Variants in HNF4A observed in about 807,000 individuals in gnomAD.
The protein encoded by HNF4A is hepatocyte nuclear factor 4 alpha.
Under a neutral mutation model 52.4 loss-of-function variants are expected in HNF4A, and 15 were observed. The observed-to-expected ratio is 0.29, with a 90% CI of 0.19 to 0.44. The LOEUF (loss-of-function observed/expected upper bound fraction) is 0.44. HNF4A is among the 20% of genes least tolerant of loss of function. The pLI is 1.00. For missense variants in HNF4A, 479 were observed against 647.2 expected, an observed-to-expected ratio of 0.74 and a Z score of 2.82; for synonymous variants, 280 against 264.4, an observed-to-expected ratio of 1.06 and a Z score of -0.57.
At chr20:44,371,794 G>A (rs2146207856) in intron 1 of HNF4A, among the ~76,000 whole-genome samples, 1 of 152,246 alleles carries the variant, frequency 6.6e-6, no homozygotes, top group Non-Finnish European at 1.5e-5. Flanking sequence ...CTGCACTCCA[G>A]CCTGGGCGAC....
intron 1 of HNF4A, among the ~76,000 whole-genome samples, chr20:44,370,058 A>C (rs186228115): frequency 6.6e-6 from 1 of 150,456 alleles, no homozygotes; most frequent in African/African-American, 2.4e-5. Context: ...ACGGAGTCTC[A>C]CTCTTTCACC....
intron 1 of HNF4A, among the ~76,000 whole-genome samples, chr20:44,363,546 C>T (rs1192598191): frequency 2.0e-5 from 3 of 151,770 alleles, no homozygotes; most frequent in South Asian, 4.2e-4. Context: ...AGATGGGGGC[C>T]TGTGTGGCTC....
chr20:44,424,031 G>A lies in HNF4A; in HGVS notation c.906G>A (p.Leu302=), dbSNP rs181559088. The A allele has an allele frequency of 1.9e-5, 30 of 1,613,092 alleles. No individual in the cohort carries two copies. In the Admixed American group the frequency reaches 4.2e-4, roughly 22 times the overall value. ...CTTCCATTGTAGATGCCAAGGGGCT[G>A]AGCGATCCAGGGAAGATCAAGCGGC... The change falls in exon 8 of 10, where the codon CTG becomes CTA. Residue 302 remains leucine (L), a synonymous_variant. Transcript: ENST00000316099.
At chr20:44,359,412 C>A (rs915894110) in intron 1 of HNF4A, among the ~76,000 whole-genome samples, 1 of 152,120 alleles carries the variant, frequency 6.6e-6, no homozygotes, top group Non-Finnish European at 1.5e-5. Flanking sequence ...TATCCAAAAG[C>A]AAAACTTCCC....
chr20:44,398,691 C>G (rs985652336), upstream of HNF4A, among the ~76,000 whole-genome samples: 27 of 152,238 alleles, frequency 1.8e-4, 1 homozygote, highest in African/African-American at 6.5e-4. Context: ...TTTGGTAAGT[C>G]AGGTATGTCA....
Position 44,424,114 on chromosome 20 carries a change from C to G in HNF4A, c.989C>G (p.Ser330Trp), listed in dbSNP as rs779433584. The change falls in exon 8 of 10, where the codon TCG (serine) becomes TGG (tryptophan). Residue 330 changes from serine (S) to tryptophan (W), a missense_variant. By Grantham distance (177) the Ser-to-Trp change is radical. Around this residue, in one of 3 missense-constraint regions of HNF4A, gnomAD observed 389 missense variants for 525.1 expected, o/e 0.74. Transcript: ENST00000316099. ...TACATCAACGACCGCCAGTATGACT[C>G]GCGTGGCCGCTTTGGAGAGCTGCTG... 22 of 1,613,360 alleles carry G rather than the reference C, an allele frequency of 1.4e-5. No homozygotes were observed. Among genetic ancestry groups the G allele is most frequent in the Admixed American group, 5.0e-5 (3 of 59,978 alleles).
intron 5 of HNF4A, among the ~76,000 whole-genome samples, chr20:44,417,706 T>C (rs749104472): frequency 9.9e-5 from 15 of 152,000 alleles, no homozygotes; most frequent in Non-Finnish European, 1.0e-4. Context: ...GGCGCAGTGG[T>C]TCACACCTGT....
intron 1 of HNF4A, among the ~76,000 whole-genome samples, chr20:44,381,255 T>C (rs2063149645): frequency 1.3e-5 from 2 of 151,174 alleles, no homozygotes; most frequent in African/African-American, 4.9e-5. Flanking sequence ...GTTCATTCTC[T>C]GAAGCTGTAG....
intron 1 of HNF4A, among the ~76,000 whole-genome samples, chr20:44,374,715 C>T (rs1357239498): frequency 4.6e-5 from 7 of 152,188 alleles, no homozygotes; most frequent in Admixed American, 3.9e-4. Context: ...CCGCCCGCCT[C>T]GGCCTCCCAA....
chr20:44,415,418 A>C (rs1265993650), intron 5 of HNF4A, among the ~76,000 whole-genome samples: 1 of 152,132 alleles, frequency 6.6e-6, no homozygotes, highest in Admixed American at 6.5e-5. Context: ...AAATGTCCCT[A>C]GGGGGAAGAA....
At chr20:44,382,529 G>A (rs78916930) in intron 1 of HNF4A, among the ~76,000 whole-genome samples, 22,489 of 151,984 alleles carry the variant, frequency 0.15, 2,110 homozygotes, top group Non-Finnish European at 0.21. Context: ...GAGCCATGCC[G>A]CTGCACTCGG....
At chr20:44,403,634 A>C (rs2063441282) in intron 1 of HNF4A, among the ~76,000 whole-genome samples, 1 of 152,190 alleles carries the variant, frequency 6.6e-6, no homozygotes, top group South Asian at 2.1e-4. Context: ...ATGGAGCAGC[A>C]GCCCTGGGTG....
intron 1 of HNF4A, among the ~76,000 whole-genome samples, chr20:44,388,614 C>A (rs1477481541): frequency 6.6e-6 from 1 of 152,104 alleles, no homozygotes; most frequent in East Asian, 1.9e-4. Context: ...TGCGTCTGGG[C>A]CTGTGATTGG....
intron 3 of HNF4A, among the ~76,000 whole-genome samples, chr20:44,412,718 G>A (rs1351511698): frequency 6.6e-6 from 1 of 152,146 alleles, no homozygotes; most frequent in African/African-American, 2.4e-5. Context: ...GAGCAGGGAG[G>A]GAGCAGCAGG....
chr20:44,428,302 C>T (rs768399938), intron 8 of HNF4A, 33 bp from the exon 9 acceptor site: 13 of 1,612,552 alleles, frequency 8.1e-6, no homozygotes, highest in Non-Finnish European at 1.1e-5. Flanking sequence ...GCATCCCAGA[C>T]TCTCCATCCT....
rs2063407285 is a variant in HNF4A, at chr20:44,401,428, TG to T, written c.58del (p.Asp20ThrfsTer15). 6.2e-7 allele frequency: 1 copy of T among 1,614,076 alleles called. No individual in the cohort carries two copies. Among genetic ancestry groups the T allele is most frequent in the Admixed American group, 1.7e-5 (1 of 60,008 alleles). On this transcript the variant is annotated frameshift_variant, in exon 1 of 10. Coordinates refer to ENST00000316099, the MANE Select transcript of HNF4A (RefSeq NM_000457.6). LOFTEE classifies it high-confidence loss of function. ...GACATGGCCGACTACAGTGCTGCAC[TG>T]GACCCAGCCTACACCACCCTGGAAT...
chr20:44,375,593 T>C (rs962572904), intron 1 of HNF4A, among the ~76,000 whole-genome samples: 4 of 151,990 alleles, frequency 2.6e-5, no homozygotes, highest in Non-Finnish European at 4.4e-5. Context: ...GCCAAAGTCA[T>C]ACAGTAAGTT....
chr20:44,399,226 G>T (rs554697748), upstream of HNF4A, among the ~76,000 whole-genome samples: 6 of 152,370 alleles, frequency 3.9e-5, no homozygotes, highest in South Asian at 1.2e-3. Context: ...GTGGGTTGCA[G>T]GGGGCTGCCT....
chr20:44,398,377 C>A (rs970946476), upstream of HNF4A, among the ~76,000 whole-genome samples: 1 of 152,188 alleles, frequency 6.6e-6, no homozygotes, highest in Admixed American at 6.5e-5. Context: ...AGATTCTGGG[C>A]AGCTGTATTA....
Sources: gnomAD v4.1 joint callset for allele counts (sites outside exome capture counted in the v4.1 genomes callset) on GRCh38, gnomAD v4.1.1 for gene constraint, gnomAD v4.1.1 regional missense constraint, MANE v1.5 for transcripts, NCBI Gene and HGNC (gene_info 2026-07-23, HGNC 2026-07-21) for gene names.